Variants in ZDHHC14 observed in about 807,000 individuals in gnomAD.
ZDHHC14 encodes the protein zDHHC palmitoyltransferase 14, also known as palmitoyltransferase ZDHHC14.
A neutral mutation model predicts 47.7 loss-of-function variants in ZDHHC14; 16 were observed. The ratio of observed to expected loss-of-function variants is 0.34; its 90% CI spans 0.23 to 0.51. ZDHHC14 has a LOEUF of 0.51. ZDHHC14 is among the 20% of genes least tolerant of loss of function. The probability of loss-of-function intolerance (pLI) is 0.97; values close to 1 mark genes in which losing one functional copy is unlikely to be tolerated. For synonymous variants in ZDHHC14, 293 were observed against 278.9 expected (o/e 1.05, Z -0.50); for missense variants, 515 against 662.5 (o/e 0.78, Z 2.44).
intron 2 of ZDHHC14, among the ~76,000 whole-genome samples, chr6:157,548,513 C>G (rs1014954529): frequency 4.9e-4 from 74 of 152,318 alleles, no homozygotes; most frequent in Non-Finnish European, 2.8e-4. Flanking sequence ...ATGGCGCGAT[C>G]TCAGCTCACC....
At chr6:157,401,465 C>T (rs541235293) in intron 1 of ZDHHC14, among the ~76,000 whole-genome samples, 5 of 151,646 alleles carry the variant, frequency 3.3e-5, no homozygotes, top group African/African-American at 4.8e-5. Flanking sequence ...GGCTGGATGA[C>T]GTTGTGAGAT....
At chr6:157,576,742 G>A (rs1562489114) in intron 2 of ZDHHC14, among the ~76,000 whole-genome samples, 1 of 152,164 alleles carries the variant, frequency 6.6e-6, no homozygotes, top group East Asian at 1.9e-4. Context: ...TCTTCATTCT[G>A]ACTGACTCCT....
intron 1 of ZDHHC14, among the ~76,000 whole-genome samples, chr6:157,412,978 G>A (rs1436537706): frequency 6.6e-6 from 1 of 152,230 alleles, no homozygotes; most frequent in Non-Finnish European, 1.5e-5. Flanking sequence ...GGGGTTAGCT[G>A]TTTGGCATCA....
At chr6:157,487,605 G>A (rs896849601) in intron 1 of ZDHHC14, among the ~76,000 whole-genome samples, 6 of 152,192 alleles carry the variant, frequency 3.9e-5, no homozygotes, top group Admixed American at 1.3e-4. Context: ...TGTGCATGGC[G>A]GAACTGGGAT....
intron 2 of ZDHHC14, among the ~76,000 whole-genome samples, chr6:157,553,843 A>C (rs1782345713): frequency 1.3e-5 from 2 of 152,242 alleles, no homozygotes; most frequent in Non-Finnish European, 2.9e-5. Flanking sequence ...TGACATGGGC[A>C]GCACTCAGAG....
At chr6:157,620,266 AG>A (rs1785135254) in intron 3 of ZDHHC14, among the ~76,000 whole-genome samples, 1 of 152,172 alleles carries the variant, frequency 6.6e-6, no homozygotes, top group Non-Finnish European at 1.5e-5. Flanking sequence ...ACATATGGCG[AG>A]GGGGCTGGGC....
At chr6:157,612,640 T>C (rs907532438) in intron 3 of ZDHHC14, among the ~76,000 whole-genome samples, 2 of 151,954 alleles carry the variant, frequency 1.3e-5, no homozygotes. Flanking sequence ...CCGATGTCTC[T>C]GCCCACAGTT....
At chr6:157,382,289 C>A in intron 1 of ZDHHC14, 23 bp downstream of exon 1, 1 of 1,610,006 alleles carries the variant, frequency 6.2e-7, no homozygotes, top group South Asian at 1.1e-5. Flanking sequence ...GACCGCTCCC[C>A]CGACGCCGCA....
At chr6:157,574,637 C>T (rs1385021864) in intron 2 of ZDHHC14, among the ~76,000 whole-genome samples, 2 of 152,164 alleles carry the variant, frequency 1.3e-5, no homozygotes, top group Non-Finnish European at 2.9e-5. Flanking sequence ...CAAGACTCAC[C>T]CTGGTCACCT....
chr6:157,547,167 C>T (rs1051869222), intron 2 of ZDHHC14, among the ~76,000 whole-genome samples: 1 of 152,226 alleles, frequency 6.6e-6, no homozygotes, highest in African/African-American at 2.4e-5. Flanking sequence ...AGTAGATGCA[C>T]CCGTGTGTGC....
intron 7 of ZDHHC14, among the ~76,000 whole-genome samples, chr6:157,651,011 C>T (rs1360131366): frequency 2.0e-5 from 3 of 152,204 alleles, no homozygotes; most frequent in African/African-American, 7.2e-5. Flanking sequence ...GCCACTGCAG[C>T]CCCAGGTGGG....
intron 1 of ZDHHC14, among the ~76,000 whole-genome samples, chr6:157,455,544 G>C (rs2114807705): frequency 6.6e-6 from 1 of 152,296 alleles, no homozygotes; most frequent in South Asian, 2.1e-4. Context: ...TGGAGGCCCT[G>C]ATGCCGCCGG....
In ZDHHC14 at chr6:157,548,967, G is replaced by A. The variant is rs190788744; in HGVS notation, c.406+6222G>A. On this transcript the variant is annotated intron_variant, in intron 2 of 8. Transcript: ENST00000359775. ...CTCTCCCCGTGTAGGATGTGGCCGCGGCATTTGCCCACCATCTGTATCCTG... is the reference window on the plus strand; with the variant it reads ...CTCTCCCCGTGTAGGATGTGGCCGCAGCATTTGCCCACCATCTGTATCCTG... Among the ~76,000 whole-genome samples, 123 of 152,342 alleles carry A rather than the reference G, an allele frequency of 8.1e-4. 2 individuals carry two copies. The highest frequency in any genetic ancestry group is 2.8e-3 in the African/African-American group (116 of 41,574).
intron 2 of ZDHHC14, among the ~76,000 whole-genome samples, chr6:157,578,602 C>T (rs1310940725): frequency 1.3e-5 from 2 of 152,048 alleles, no homozygotes; most frequent in African/African-American, 4.8e-5. Context: ...AATTGTAATC[C>T]CCATAATCCC....
chr6:157,604,630 G>A (rs988111965), intron 3 of ZDHHC14, among the ~76,000 whole-genome samples: 7 of 151,434 alleles, frequency 4.6e-5, no homozygotes, highest in South Asian at 2.1e-4. Context: ...TGCAACCTCC[G>A]CCTCCCGGGT....
chr6:157,626,976 G>T (rs1785457292), intron 3 of ZDHHC14, among the ~76,000 whole-genome samples: 1 of 151,790 alleles, frequency 6.6e-6, no homozygotes, highest in Non-Finnish European at 1.5e-5. Flanking sequence ...CTGAGTGTCA[G>T]CATCTTATAG....
intron 2 of ZDHHC14, among the ~76,000 whole-genome samples, chr6:157,554,116 A>G (rs960546775): frequency 6.6e-6 from 1 of 152,262 alleles, no homozygotes; most frequent in African/African-American, 2.4e-5. Flanking sequence ...GGTGAATGCC[A>G]TGTTACATAC....
rs1439844478 is a variant in ZDHHC14 at position 157,673,322 on chromosome 6, C to G, written c.*200C>G. On this transcript the variant is annotated 3_prime_UTR_variant, in exon 9 of 9. Transcript: ENST00000359775. This position sits in a 1 kb window ranked among gnomAD's most constrained non-coding sequence, Gnocchi z 5.4. ...GAGAGCTTGGTTTCATTTGAATTTTCTTCCCCAACCTGAGTGCTTTGACAA... is the reference window on the plus strand; with the variant it reads ...GAGAGCTTGGTTTCATTTGAATTTTGTTCCCCAACCTGAGTGCTTTGACAA... The G allele has an allele frequency of 2.6e-5, 17 of 643,652 alleles. No individual in the cohort carries two copies. Among genetic ancestry groups the G allele is most frequent in the Non-Finnish European group, 3.9e-5 (16 of 407,202 alleles). The allele number at this position is 643,652 out of a possible 1,614,324, so 39.9% of individuals were successfully genotyped here.
At chr6:157,521,573 G>GGCC (rs886628395) in intron 1 of ZDHHC14, among the ~76,000 whole-genome samples, 1 of 152,200 alleles carries the variant, frequency 6.6e-6, no homozygotes, top group African/African-American at 2.4e-5. Context: ...TGGTGGGAGA[G>GGCC]GCCAGGCAGC....
Sources: gnomAD v4.1 joint callset for allele counts (sites outside exome capture counted in the v4.1 genomes callset) on GRCh38, gnomAD v4.1.1 for gene constraint, Gnocchi (gnomAD v3.1) non-coding constraint, MANE v1.5 for transcripts, NCBI Gene and HGNC (gene_info 2026-07-23, HGNC 2026-07-21) for gene names.